The following GPC5 variants were observed in gnomAD, a reference collection of about 807,000 sequenced individuals.
GPC5 encodes the protein glypican 5, also known as glypican-5.
A neutral mutation model predicts 53.9 loss-of-function variants in GPC5; 47 were observed. That is an observed-to-expected ratio of 0.87 (90% confidence interval 0.69 to 1.11). The LOEUF is 1.11. Ranked by LOEUF, GPC5 falls within the 50% of genes most tolerant of loss-of-function variation. The pLI is 0.00. For synonymous variants in GPC5, 286 were observed against 263.3 expected, an observed-to-expected ratio of 1.09 and a Z score of -0.84; for missense variants, 748 against 713.1, an observed-to-expected ratio of 1.05 and a Z score of -0.56.
chr13:91,660,523 A>G (rs2139613021), intron 2 of GPC5, among the ~76,000 whole-genome samples: 1 of 152,160 alleles, frequency 6.6e-6, no homozygotes, highest in Middle Eastern at 3.4e-3. Context: ...CTCAGCTGAG[A>G]CTCTTCCTGT....
At chr13:92,650,613 C>G (rs1395896423) in intron 7 of GPC5, among the ~76,000 whole-genome samples, 1 of 152,016 alleles carries the variant, frequency 6.6e-6, no homozygotes, top group Non-Finnish European at 1.5e-5. Context: ...AGAGCTCATG[C>G]TTGAATAGTT....
Position 91,424,618 on chromosome 13 carries a change from C to T in GPC5, c.164-24143C>T, listed in dbSNP as rs913975157. Among the ~76,000 whole-genome samples the T allele has an allele frequency of 3.3e-5, 5 of 152,128 alleles. 1 individual carries two copies. The highest frequency in any genetic ancestry group is 4.1e-4 in the South Asian group (2 of 4,826). ...CTGACCTCAGGTGATCCACCCGCCT[C>T]GGCCTCCCGAAGTGCTGGGATTACA... On this transcript the variant is annotated intron_variant, in intron 1 of 7. Coordinates refer to ENST00000377067, the MANE Select transcript of GPC5 (RefSeq NM_004466.6).
intron 7 of GPC5, among the ~76,000 whole-genome samples, chr13:92,779,565 C>T (rs1032133505): frequency 1.4e-4 from 22 of 152,080 alleles, no homozygotes; most frequent in African/African-American, 5.3e-4. Context: ...CTAGGTTGCC[C>T]AGGCTTTTCT....
chr13:92,654,175 A>T (rs972613776), intron 7 of GPC5, among the ~76,000 whole-genome samples: 1 of 152,184 alleles, frequency 6.6e-6, no homozygotes, highest in African/African-American at 2.4e-5. Context: ...CTGATATCTC[A>T]ATATTGTGAA....
intron 6 of GPC5, among the ~76,000 whole-genome samples, chr13:92,007,539 T>A (rs972402904): frequency 6.6e-6 from 1 of 152,186 alleles, no homozygotes; most frequent in African/African-American, 2.4e-5. Flanking sequence ...TACTCCAGCA[T>A]CCTTATGATT....
intron 2 of GPC5, among the ~76,000 whole-genome samples, chr13:91,451,677 G>A (rs765215322): frequency 1.3e-5 from 2 of 151,982 alleles, no homozygotes; most frequent in African/African-American, 4.8e-5. Context: ...GAGTGCGGTG[G>A]CATGATCTTT....
intron 2 of GPC5, among the ~76,000 whole-genome samples, chr13:91,456,693 A>T (rs964906331): frequency 6.6e-6 from 1 of 152,034 alleles, no homozygotes; most frequent in Non-Finnish European, 1.5e-5. Flanking sequence ...CTTTAAAAAA[A>T]TTTTTACCCC....
intron 6 of GPC5, chr13:91,996,529 A>C (rs1448025305): frequency 6.6e-6 from 1 of 152,276 alleles, no homozygotes; most frequent in East Asian, 1.9e-4. Context: ...AAAGCAAAAA[A>C]AATTAAATAT....
At chr13:92,734,229 T>G (rs2139302456) in intron 7 of GPC5, among the ~76,000 whole-genome samples, 1 of 151,930 alleles carries the variant, frequency 6.6e-6, no homozygotes, top group Non-Finnish European at 1.5e-5. Flanking sequence ...TTCTGACTCT[T>G]AACATTTTCA....
chr13:92,141,997 C>A (rs2041835171), intron 6 of GPC5, among the ~76,000 whole-genome samples: 1 of 152,074 alleles, frequency 6.6e-6, no homozygotes, highest in South Asian at 2.1e-4. Context: ...AAGCTCCTCA[C>A]CCTCACATCT....
chr13:92,095,743 C>G (rs1389691000), intron 6 of GPC5, among the ~76,000 whole-genome samples: 1 of 152,124 alleles, frequency 6.6e-6, no homozygotes, highest in Non-Finnish European at 1.5e-5. Flanking sequence ...CCACGTTGGT[C>G]AGGCTGGTCT....
chr13:92,241,921 A>C (rs2042614656), intron 7 of GPC5: 2 of 152,072 alleles, frequency 1.3e-5, no homozygotes, highest in Admixed American at 1.3e-4. Flanking sequence ...GCCAAAGAAA[A>C]GAAGTAGAAG....
At chr13:92,514,139 C>T (rs1264179848) in intron 7 of GPC5, among the ~76,000 whole-genome samples, 1 of 132,900 alleles carries the variant, frequency 7.5e-6, no homozygotes, top group Non-Finnish European at 1.6e-5. Context: ...AGTCCCTGCC[C>T]CCCCGCCCCC....
In GPC5 at chr13:91,714,842, C is replaced by T. The variant is rs553466404; in HGVS notation, c.1021-13690C>T. Among the ~76,000 whole-genome samples the T allele has an allele frequency of 1.9e-3, 295 of 152,096 alleles. 6 individuals are homozygous for T. The highest frequency in any genetic ancestry group is 6.9e-3 in the African/African-American group (287 of 41,524). On this transcript the variant is annotated intron_variant, in intron 3 of 7. Coordinates refer to ENST00000377067, the MANE Select transcript of GPC5 (RefSeq NM_004466.6). ...GTTTCTTGCTTTGCCCGGGAAAGAA[C>T]TTAAGGGTCAACCCACGGTAGAAGA...
intron 6 of GPC5, among the ~76,000 whole-genome samples, chr13:92,083,652 T>C (rs913251504): frequency 6.6e-6 from 1 of 152,220 alleles, no homozygotes; most frequent in Non-Finnish European, 1.5e-5. Flanking sequence ...TTTTACATCA[T>C]GTTTCATTAT....
intron 6 of GPC5, among the ~76,000 whole-genome samples, chr13:92,038,382 AGGTAGAT>A (rs2040912422): frequency 1.3e-5 from 1 of 75,864 alleles, no homozygotes; most frequent in African/African-American, 5.6e-5. Context: ...ATAGATAGAT[AGGTAGAT>A]AGATAGATCG....
intron 2 of GPC5, among the ~76,000 whole-genome samples, chr13:91,586,222 C>T (rs996328914): frequency 4.0e-5 from 6 of 150,754 alleles, no homozygotes; most frequent in Non-Finnish European, 8.9e-5. Context: ...TGTAAATGTT[C>T]TTAAGCTTCA....
At chr13:91,674,314 T>G (rs74694084) in intron 2 of GPC5, among the ~76,000 whole-genome samples, 1,637 of 152,020 alleles carry the variant, frequency 0.011, 29 homozygotes, top group African/African-American at 0.038. Flanking sequence ...GGACCTCATC[T>G]AATCCATTGA....
At chr13:91,668,338 T>A (rs2035165750) in intron 2 of GPC5, among the ~76,000 whole-genome samples, 1 of 152,190 alleles carries the variant, frequency 6.6e-6, no homozygotes, top group Non-Finnish European at 1.5e-5. Flanking sequence ...AAAGCTACAG[T>A]ATCAGCTAGC....
Sources: allele counts gnomAD v4.1 joint callset (sites outside exome capture counted in the v4.1 genomes callset), GRCh38; gene constraint gnomAD v4.1.1; transcripts MANE v1.5; gene names NCBI Gene and HGNC (gene_info 2026-07-23, HGNC 2026-07-21).